Variants in GPC6 observed in about 807,000 individuals in gnomAD.
The protein encoded by GPC6 is glypican 6.
A neutral mutation model predicts 55.2 loss-of-function variants in GPC6; 14 were observed. The observed-to-expected ratio is 0.25, with a 90% CI of 0.17 to 0.40. GPC6 has a LOEUF of 0.40. GPC6 is among the 10% of genes least tolerant of loss of function. The probability of loss-of-function intolerance (pLI) is 1.00; values close to 1 mark genes in which losing one functional copy is unlikely to be tolerated. For missense variants in GPC6, 641 were observed against 708.5 expected (o/e 0.90, Z 1.08); for synonymous variants, 278 against 259.6 (o/e 1.07, Z -0.68).
intron 1 of GPC6, among the ~76,000 whole-genome samples, chr13:93,303,639 G>A (rs1236191900): frequency 6.6e-6 from 1 of 151,918 alleles, no homozygotes; most frequent in Non-Finnish European, 1.5e-5. Context: ...TAGGAGCAGA[G>A]GGTTCTTAAA....
chr13:93,502,518 AGAAAGACAAATGT>A (rs1473502185), intron 1 of GPC6, among the ~76,000 whole-genome samples: 2 of 152,152 alleles, frequency 1.3e-5, no homozygotes, highest in African/African-American at 4.8e-5. Flanking sequence ...TACATTAATG[AGAAAGACAAATGT>A]GAAATTACCA....
At chr13:94,168,761 A>C (rs1888458336) in intron 4 of GPC6, among the ~76,000 whole-genome samples, 1 of 149,688 alleles carries the variant, frequency 6.7e-6, no homozygotes, top group Non-Finnish European at 1.5e-5. Context: ...AATTGGAGTA[A>C]AGGCGAATAT....
chr13:93,584,517 C>T (rs935116086), intron 2 of GPC6, among the ~76,000 whole-genome samples: 1 of 151,994 alleles, frequency 6.6e-6, no homozygotes, highest in Non-Finnish European at 1.5e-5. Context: ...AAACACTTCT[C>T]AGTGGTAATT....
In GPC6 at chr13:93,609,381, T is replaced by TTTTTG. The variant is rs528800210; in HGVS notation, c.319+63981_319+63985dup. ...CGGCACACGCCACCACACCCAGCTATTTTTGTTTTGTTTTGTTTTGTTTTG... is the reference window on the plus strand; with the variant it reads ...CGGCACACGCCACCACACCCAGCTATTTTTGTTTTGTTTTGTTTTGTTTTGTTTTG... On this transcript the variant is annotated intron_variant, in intron 2 of 8. Transcript: ENST00000377047. 1.9e-3 allele frequency among the ~76,000 whole-genome samples: 294 copies of TTTTTG among 152,170 alleles called. 3 individuals carry two copies. The highest frequency in any genetic ancestry group is 6.7e-3 in the African/African-American group (278 of 41,534).
chr13:93,717,072 A>T (rs1883276531), intron 2 of GPC6, among the ~76,000 whole-genome samples: 1 of 151,564 alleles, frequency 6.6e-6, no homozygotes, highest in African/African-American at 2.4e-5. Context: ...ACACACTATG[A>T]TGTTCATACA....
chr13:93,271,567 A>ATGAC lies in GPC6; in HGVS notation c.160+43954_160+43957dup, dbSNP rs1177181642. ...ACACAGAGATCTAAAAGTAAAACATATGACTGGAAAGGGACTGTATAAGTA... is the reference window on the plus strand; with the variant it reads ...ACACAGAGATCTAAAAGTAAAACATATGACTGACTGGAAAGGGACTGTATAAGTA... On this transcript the variant is annotated intron_variant, in intron 1 of 8. Transcript: ENST00000377047. 2.0e-5 allele frequency among the ~76,000 whole-genome samples: 3 copies of ATGAC among 152,196 alleles called. No individual in the cohort carries two copies. In the East Asian group the frequency reaches 5.8e-4, roughly 29 times the overall value.
intron 2 of GPC6, among the ~76,000 whole-genome samples, chr13:93,790,260 C>A (rs1376792374): frequency 6.6e-6 from 1 of 152,150 alleles, no homozygotes; most frequent in Non-Finnish European, 1.5e-5. Context: ...AATTCATAAT[C>A]TTGAATTGAG....
intron 6 of GPC6, among the ~76,000 whole-genome samples, chr13:94,336,097 G>C (rs540648548): frequency 1.2e-3 from 177 of 152,142 alleles, no homozygotes; most frequent in African/African-American, 4.1e-3. Flanking sequence ...TAGATGCTCG[G>C]AAAATGTTGA....
At chr13:93,453,761 G>A (rs1016984466) in intron 1 of GPC6, among the ~76,000 whole-genome samples, 1 of 151,970 alleles carries the variant, frequency 6.6e-6, no homozygotes, top group African/African-American at 2.4e-5. Context: ...GACTTGAGGA[G>A]TGAAGCTGCA....
At chr13:93,523,166 TATATACACATAC>T (rs1206768590) in intron 1 of GPC6, among the ~76,000 whole-genome samples, 1 of 145,630 alleles carries the variant, frequency 6.9e-6, no homozygotes, top group East Asian at 2.0e-4. Context: ...TATATGTACA[TATATACACATAC>T]ATATACACAT....
rs139006292 is a variant in GPC6 at position 94,324,523 on chromosome 13, A to G, written c.1152+18400A>G. On this transcript the variant is annotated intron_variant, in intron 6 of 8. Transcript: ENST00000377047. ...CAGCGCTTCGAGAGTAGGTTTGACT[A>G]TGGGGAATGACAGCCACAAGAAGAA... Among the ~76,000 whole-genome samples, 6 of 152,208 alleles carry G rather than the reference A, an allele frequency of 3.9e-5. No individual in the cohort carries two copies. The East Asian group carries it at 1.2e-3, about 29-fold the overall frequency.
chr13:93,295,208 TG>T (rs767138057), intron 1 of GPC6, among the ~76,000 whole-genome samples: 1 of 138,222 alleles, frequency 7.2e-6, no homozygotes, highest in Non-Finnish European at 1.5e-5. Context: ...GAAGATCACC[TG>T]AGTCAAGAGA....
chr13:93,808,523 T>A (rs1452023381), intron 2 of GPC6, among the ~76,000 whole-genome samples: 1 of 152,208 alleles, frequency 6.6e-6, no homozygotes, highest in Non-Finnish European at 1.5e-5. Context: ...ATAACTAAGT[T>A]TCCTTTAATG....
intron 2 of GPC6, among the ~76,000 whole-genome samples, chr13:93,556,239 A>AC (rs1875455046): frequency 1.3e-5 from 2 of 151,966 alleles, no homozygotes; most frequent in Admixed American, 6.6e-5. Context: ...GTTCATAAGG[A>AC]CCTAATGTGT....
At chr13:93,216,979 T>C in the GPC6 span, among the ~76,000 whole-genome samples, 2 of 152,172 alleles carry the variant, frequency 1.3e-5, no homozygotes, top group African/African-American at 4.8e-5. Context: ...CAATACATAA[T>C]AGTTTTGCAT....
intron 4 of GPC6, among the ~76,000 whole-genome samples, chr13:94,058,576 C>G (rs972816961): frequency 2.0e-5 from 3 of 152,084 alleles, no homozygotes; most frequent in Non-Finnish European, 2.9e-5. Flanking sequence ...CAAGTTTGGA[C>G]GAACTACATT....
At chr13:93,479,612 C>CT (rs1879434716) in intron 1 of GPC6, among the ~76,000 whole-genome samples, 1 of 141,328 alleles carries the variant, frequency 7.1e-6, no homozygotes, top group African/African-American at 2.6e-5. Flanking sequence ...GGTGAGACCC[C>CT]CCCCCATCTC....
intron 2 of GPC6, among the ~76,000 whole-genome samples, chr13:93,651,603 T>G (rs1177562787): frequency 6.6e-6 from 1 of 152,116 alleles, no homozygotes; most frequent in Non-Finnish European, 1.5e-5. Flanking sequence ...TCAGAATTTT[T>G]CTTAACATAA....
chr13:94,266,446 G>A lies in GPC6; in HGVS notation c.878-19903G>A, dbSNP rs548390366. On this transcript the variant is annotated intron_variant, in intron 4 of 8. Coordinates refer to ENST00000377047, the MANE Select transcript of GPC6 (RefSeq NM_005708.5). ...GCCTCCCAAAGTGCTGGGATTACAG[G>A]CGTGAGCCACCGCGTCCAGCCATCT... 1.2e-4 allele frequency among the ~76,000 whole-genome samples: 19 copies of A among 152,240 alleles called. No individual in the cohort carries two copies. The East Asian group carries it at 3.7e-3, about 30-fold the overall frequency.
Sources: gnomAD v4.1 joint callset for allele counts (sites outside exome capture counted in the v4.1 genomes callset) on GRCh38, gnomAD v4.1.1 for gene constraint, MANE v1.5 for transcripts, NCBI Gene and HGNC (gene_info 2026-07-23, HGNC 2026-07-21) for gene names.